The following ZSCAN20 variants were observed in gnomAD, a reference collection of about 807,000 sequenced individuals.
The protein encoded by ZSCAN20 is zinc finger and SCAN domain-containing protein 20.
In ZSCAN20, 39 loss-of-function variants were observed where a neutral mutation model predicts 97.1. The ratio of observed to expected loss-of-function variants is 0.40; its 90% CI spans 0.31 to 0.52. The LOEUF (loss-of-function observed/expected upper bound fraction) is 0.52, where lower values mean the gene tolerates loss of function less well. ZSCAN20 is among the 20% of genes least tolerant of loss of function. ZSCAN20 has a pLI of 0.49. For missense variants in ZSCAN20, 1,115 were observed against 1,290.4 expected (o/e 0.86, Z 2.08); for synonymous variants, 456 against 467.3 (o/e 0.98, Z 0.31).
intron 4 of ZSCAN20, 103 bp from the exon 5 acceptor site, chr1:33,489,415 G>T: frequency 1.7e-6 from 2 of 1,192,322 alleles, no homozygotes; most frequent in Non-Finnish European, 1.2e-6. Flanking sequence ...TTCACACATG[G>T]TATCCCTCTG....
In ZSCAN20 at chr1:33,493,588, A is replaced by G. The variant is rs776783439; in HGVS notation, c.1846A>G (p.Thr616Ala). 2 of 1,594,920 alleles carry G rather than the reference A, an allele frequency of 1.3e-6. No individual in the cohort carries two copies. Among genetic ancestry groups the G allele is most frequent in the South Asian group, 2.2e-5 (2 of 88,970 alleles). ...VANEDAVKPSTLCPKAPDMGF... is the reference protein window; with the variant it reads ...VANEDAVKPSALCPKAPDMGF... ...CAATGAAGATGCTGTCAAACCTTCA[A>G]CCTTGTGTCCTAAAGCCCCAGACAT... The change falls in exon 7 of 8, where the codon ACC (threonine) becomes GCC (alanine). Residue 616 changes from threonine (T) to alanine (A), a missense_variant. By Grantham distance (58) the Thr-to-Ala change is moderately conservative. Around this residue, in one of 3 missense-constraint regions of ZSCAN20, gnomAD observed 554 missense variants for 584.9 expected, o/e 0.95. Coordinates refer to ENST00000684572, the MANE Select transcript of ZSCAN20 (RefSeq NM_001377376.1). This position sits in a 1 kb window ranked among gnomAD's most constrained non-coding sequence, Gnocchi z 4.3.
chr1:33,488,052 T>A (rs186045868), intron 2 of ZSCAN20, among the ~76,000 whole-genome samples: 170 of 152,310 alleles, frequency 1.1e-3, no homozygotes, highest in African/African-American at 3.9e-3. Flanking sequence ...GTTATAATTT[T>A]ATATTTTTTT....
intron 2 of ZSCAN20, among the ~76,000 whole-genome samples, chr1:33,486,518 G>C (rs1422904593): frequency 6.6e-6 from 1 of 152,196 alleles, no homozygotes; most frequent in African/African-American, 2.4e-5. Context: ...ACTTGTTACT[G>C]TAGAGTCTAG....
chr1:33,494,858 T>C lies in ZSCAN20; in HGVS notation c.2514T>C (p.Ser838=), dbSNP rs1188530232. Residue 838 remains serine, a synonymous_variant, in exon 8 of 8, where the codon AGT becomes AGC. Coordinates refer to ENST00000684572, the MANE Select transcript of ZSCAN20 (RefSeq NM_001377376.1). ...ACTTTGCCCAAAGCCCATCTTTTAG[T>C]GCTCACTGGAGGAATTCTACAGAAG... ...GGNFAQSPSF[S]AHWRNSTEET... is the part of the protein sequence containing the mutation. 5 of 1,614,098 alleles carry C rather than the reference T, an allele frequency of 3.1e-6. No homozygotes were observed. Among genetic ancestry groups the C allele is most frequent in the Non-Finnish European group, 2.5e-6 (3 of 1,180,058 alleles).
Position 33,497,011 on chromosome 1 carries a change from A to C in ZSCAN20, c.*1535A>C, listed in dbSNP as rs992907089. Among the ~76,000 whole-genome samples the C allele has an allele frequency of 1.3e-5, 2 of 152,170 alleles. No homozygotes were observed. The highest frequency in any genetic ancestry group is 2.9e-5 in the Non-Finnish European group (2 of 68,026). On this transcript the variant is annotated 3_prime_UTR_variant, in exon 8 of 8. Coordinates refer to ENST00000684572, the MANE Select transcript of ZSCAN20 (RefSeq NM_001377376.1). ...TCGGTTTCCATAGGACTTTAAAGGA[A>C]AATCCCCCTCCTGCCATCCTCTTAT...
intron 5 of ZSCAN20, among the ~76,000 whole-genome samples, chr1:33,490,125 T>C (rs1213716090): frequency 6.6e-6 from 1 of 152,128 alleles, no homozygotes; most frequent in East Asian, 1.9e-4. Flanking sequence ...TGTGGGGAGT[T>C]AGACATGTGA....
intron 2 of ZSCAN20, among the ~76,000 whole-genome samples, chr1:33,482,000 A>G (rs1652173663): frequency 6.6e-6 from 1 of 152,224 alleles, no homozygotes; most frequent in Non-Finnish European, 1.5e-5. Context: ...GCACCAGAGC[A>G]ATATGTTTAT....
At chr1:33,489,473 C>G in intron 4 of ZSCAN20, 45 bp from the exon 5 acceptor site, 1 of 1,597,340 alleles carries the variant, frequency 6.3e-7, no homozygotes, top group Non-Finnish European at 8.6e-7. Flanking sequence ...AGGCTGTTGT[C>G]AAAGGTCAGT....
chr1:33,479,195 C>T lies in ZSCAN20; in HGVS notation c.-94C>T. 2.2e-6 allele frequency: 3 copies of T among 1,370,134 alleles called. No individual in the cohort carries two copies. Among genetic ancestry groups the T allele is most frequent in the Non-Finnish European group, 3.0e-6 (3 of 1,002,706 alleles). 84.9% of individuals were successfully genotyped at this position (1,370,134 alleles called of 1,614,324 possible). On this transcript the variant is annotated 5_prime_UTR_variant, in exon 2 of 8. Transcript: ENST00000684572. The stretch of plus-strand genomic sequence containing the variant: ...CTGCCTTAGAGCCTTGGGGAGCAGT[C>T]CCTTTTCTAGGAGCCTCTTGAAGGA...
intron 7 of ZSCAN20, 64 bp from the exon 8 acceptor site, chr1:33,494,154 C>T: frequency 6.9e-7 from 1 of 1,440,948 alleles, no homozygotes; most frequent in Non-Finnish European, 9.4e-7. Flanking sequence ...TACAGACACA[C>T]ACAAACACAC....
chr1:33,476,924 A>G (rs1651959833), intron 1 of ZSCAN20, among the ~76,000 whole-genome samples: 1 of 152,232 alleles, frequency 6.6e-6, no homozygotes, highest in Non-Finnish European at 1.5e-5. Context: ...ACATGGTAAT[A>G]AAACTTTTTA....
Position 33,499,502 on chromosome 1 carries a change from A to G in ZSCAN20, c.*4026A>G, listed in dbSNP as rs1476388875. ...TGGGCATCTCAAAGCCCCGGTGTCT[A>G]CCATCACCCATCATGGGGCTCTTGG... On this transcript the variant is annotated 3_prime_UTR_variant, in exon 8 of 8. Coordinates refer to ENST00000684572, the MANE Select transcript of ZSCAN20 (RefSeq NM_001377376.1). Among the ~76,000 whole-genome samples the G allele has an allele frequency of 1.3e-5, 2 of 152,038 alleles. No homozygotes were observed. The highest frequency in any genetic ancestry group is 2.9e-5 in the Non-Finnish European group (2 of 68,012).
In ZSCAN20 at chr1:33,496,750, T is replaced by C. The variant is rs1365390816; in HGVS notation, c.*1274T>C. Among the ~76,000 whole-genome samples the C allele has an allele frequency of 6.6e-6, 1 of 152,114 alleles. No homozygotes were observed. The highest frequency in any genetic ancestry group is 2.1e-4 in the South Asian group (1 of 4,832). ...AGGTGGGAGGTGCTGGTGTATATGG[T>C]CATCTACTGAGAGGGCCTTGACCAC... On this transcript the variant is annotated 3_prime_UTR_variant, in exon 8 of 8. Coordinates refer to ENST00000684572, the MANE Select transcript of ZSCAN20 (RefSeq NM_001377376.1).
intron 2 of ZSCAN20, among the ~76,000 whole-genome samples, chr1:33,484,366 T>C (rs1243250686): frequency 1.3e-5 from 2 of 152,216 alleles, no homozygotes; most frequent in Non-Finnish European, 2.9e-5. Flanking sequence ...AGTTCCCCTC[T>C]ATTCCTAGTT....
intron 2 of ZSCAN20, among the ~76,000 whole-genome samples, chr1:33,481,050 T>G (rs1553121760): frequency 6.6e-6 from 1 of 152,210 alleles, no homozygotes; most frequent in Non-Finnish European, 1.5e-5. Flanking sequence ...AGTGTGAGGT[T>G]GGGGGAGCAA....
rs1272563063 is a variant in ZSCAN20, at chr1:33,489,597, G to A, written c.761G>A (p.Cys254Tyr). The A allele has an allele frequency of 4.3e-6, 7 of 1,613,936 alleles. No homozygotes were observed. In the African/African-American group the frequency reaches 8.0e-5, roughly 18 times the overall value. Residue 254 changes from cysteine (C) to tyrosine (Y), a missense_variant, in exon 5 of 8, where the codon TGC (cysteine) becomes TAC (tyrosine). Physicochemically the swap from Cys to Tyr is radical, Grantham distance 194. This residue lies in a region of ZSCAN20 where 508 missense variants were observed against 611.2 expected (regional missense o/e 0.83). Coordinates refer to ENST00000684572, the MANE Select transcript of ZSCAN20 (RefSeq NM_001377376.1). Reference protein sequence around the residue: ...PPGDDCGNSVCLGVPVSKPSN... With the variant: ...PPGDDCGNSVYLGVPVSKPSN... ...GGAGACGACTGTGGGAACAGCGTGT[G>A]CCTGGGTAAGGAGACGTACCCTCTG...
At position 33,497,521 on chromosome 1, in the gene ZSCAN20, GGA is replaced by G. The variant is rs1480921123; in HGVS notation, c.*2047_*2048del. Among the ~76,000 whole-genome samples, 1 of 152,138 alleles carries G rather than the reference GGA, an allele frequency of 6.6e-6. No homozygotes were observed. The highest frequency in any genetic ancestry group is 1.5e-5 in the Non-Finnish European group (1 of 68,038). On this transcript the variant is annotated 3_prime_UTR_variant, in exon 8 of 8. Coordinates refer to ENST00000684572, the MANE Select transcript of ZSCAN20 (RefSeq NM_001377376.1). ...AGGGAGCTGATATTAGAGGAGTGCT[GGA>G]GCAAGGTCACTGAGGACCTCACATG... is the stretch of plus-strand genomic sequence containing the variant.
intron 1 of ZSCAN20, among the ~76,000 whole-genome samples, chr1:33,473,930 G>C (rs1027107558): frequency 6.6e-6 from 1 of 152,216 alleles, no homozygotes; most frequent in African/African-American, 2.4e-5. Flanking sequence ...TGTGAATGAA[G>C]ACCATGCAGG....
Position 33,500,600 on chromosome 1 carries a change from T to TC in ZSCAN20, c.*5124_*5125insC, listed in dbSNP as rs1653033199. Among the ~76,000 whole-genome samples the TC allele has an allele frequency of 6.6e-6, 1 of 151,954 alleles. No homozygotes were observed. The highest frequency in any genetic ancestry group is 2.4e-5 in the African/African-American group (1 of 41,328). On this transcript the variant is annotated 3_prime_UTR_variant, in exon 8 of 8. Coordinates refer to ENST00000684572, the MANE Select transcript of ZSCAN20 (RefSeq NM_001377376.1). ...CTAATGAGGGCGCTGTTGGTGATTC[T>TC]TTTTGTGTGTAAAGATGCTTCTGAT... is the stretch of plus-strand genomic sequence containing the variant.
Sources: allele counts gnomAD v4.1 joint callset (sites outside exome capture counted in the v4.1 genomes callset), GRCh38; gene constraint gnomAD v4.1.1; regional missense constraint gnomAD v4.1.1; non-coding constraint Gnocchi (gnomAD v3.1); transcripts MANE v1.5; gene names NCBI Gene and HGNC (gene_info 2026-07-23, HGNC 2026-07-21).